GPI: variants seen among roughly 807,000 people sequenced by gnomAD.
GPI encodes the protein glucose-6-phosphate isomerase, also known as D-hexose-6-phosphate anomerase.
GPI carries 56 observed loss-of-function variants against 75.8 expected under a neutral mutation model. That is an observed-to-expected ratio of 0.74 (90% CI 0.60 to 0.92). GPI has a LOEUF of 0.92. Ranked by LOEUF, GPI falls within the 40% of genes least tolerant of loss-of-function variation. The pLI, the probability that GPI is intolerant of heterozygous loss-of-function variation, is 0.00. For missense variants in GPI, 638 were observed against 741.0 expected (o/e 0.86, Z 1.61); for synonymous variants, 288 against 285.4 (o/e 1.01, Z -0.09).
upstream of GPI, among the ~76,000 whole-genome samples, chr19:34,361,500 G>A (rs2074301321): frequency 2.0e-5 from 3 of 152,180 alleles, no homozygotes; most frequent in East Asian, 1.9e-4. Flanking sequence ...AGCTGTGCAC[G>A]TAGTAAACCT....
rs2145444978 is a variant in GPI, at chr19:34,401,915, T to C, written c.*1879T>C. 6.6e-6 allele frequency: 1 copy of C among 152,262 alleles called. No homozygotes were observed. Among genetic ancestry groups the C allele is most frequent in the South Asian group, 2.1e-4 (1 of 4,832 alleles). 9.4% of individuals were successfully genotyped at this position (152,262 alleles called of 1,614,324 possible). A position where few individuals can be genotyped will look rare whatever the true frequency, so the allele number is the denominator to read the frequency against. The stretch of plus-strand genomic sequence containing the variant: ...AGCTCCACCTCCCGGCTTCACGCCA[T>C]TCTCCTGCCTCAGCCTCCCGAGTAG... On this transcript the variant is annotated 3_prime_UTR_variant, in exon 18 of 18. Transcript: ENST00000356487.
intron 7 of GPI, 145 bp from the exon 8 acceptor site, chr19:34,379,373 C>A (rs1431250042): frequency 1.2e-6 from 1 of 824,290 alleles, no homozygotes; most frequent in Non-Finnish European, 2.2e-6. Context: ...TGACCTTGAC[C>A]TCGATGTGGG....
At chr19:34,390,151 G>A (rs1305925834) in intron 9 of GPI, among the ~76,000 whole-genome samples, 1 of 152,194 alleles carries the variant, frequency 6.6e-6, no homozygotes, top group African/African-American at 2.4e-5. Context: ...CAGGTACAAA[G>A]TGATGAGTCT....
intron 9 of GPI, among the ~76,000 whole-genome samples, chr19:34,384,914 A>C (rs1269277805): frequency 6.6e-6 from 1 of 151,734 alleles, no homozygotes; most frequent in Admixed American, 6.6e-5. Flanking sequence ...ATGGTGGTGC[A>C]TGCCTACAGT....
chr19:34,393,011 G>A lies in GPI; in HGVS notation c.805-237G>A, dbSNP rs1374047156. 1 of 578,704 alleles carries A rather than the reference G, an allele frequency of 1.7e-6. No individual in the cohort carries two copies. Among genetic ancestry groups the A allele is most frequent in the Non-Finnish European group, 3.1e-6 (1 of 317,940 alleles). The allele number at this position is 578,704 out of a possible 1,614,324, so 35.8% of individuals were successfully genotyped here. A position where few individuals can be genotyped will look rare whatever the true frequency, so the allele number is the denominator to read the frequency against. On this transcript the variant is annotated intron_variant, in intron 9 of 17. Transcript: ENST00000356487. The surrounding 1 kb of genome is among the most constrained non-coding windows in gnomAD (Gnocchi z 4.4). ...TGCAGAGACAGGGCCCGACATCTCA[G>A]GGAAGACCACGGTAAGCTCTTCAGT...
intron 4 of GPI, among the ~76,000 whole-genome samples, chr19:34,372,797 A>G (rs149162070): frequency 0.013 from 2,021 of 152,174 alleles, 17 homozygotes; most frequent in Middle Eastern, 0.027. Flanking sequence ...TTTTTGAGAC[A>G]GAGTCTCTCT....
In GPI at chr19:34,382,138, TCTGA is replaced by T. The variant is rs8191389; in HGVS notation, c.804+623_804+626del. Among the ~76,000 whole-genome samples, 167 of 152,260 alleles carry T rather than the reference TCTGA, an allele frequency of 1.1e-3. 1 individual carries two copies. Among genetic ancestry groups the T allele is most frequent in the Admixed American group, 4.5e-3 (69 of 15,294 alleles). ...AGCTCAGCAGTGGTGTGAGGAGGGC[TCTGA>T]CTGTGAAGCCCAGGGTGCAGGGGTG... On this transcript the variant is annotated intron_variant, in intron 9 of 17. Coordinates refer to ENST00000356487, the MANE Select transcript of GPI (RefSeq NM_000175.5).
Position 34,391,943 on chromosome 19 carries a change from G to C in GPI, c.805-1305G>C. Among the ~76,000 whole-genome samples, 12 of 67,228 alleles carry C rather than the reference G, an allele frequency of 1.8e-4. No homozygotes were observed. In the Admixed American group the frequency reaches 1.8e-3, roughly 10 times the overall value. The allele number at this position is 67,228 out of a possible 152,430, so 44.1% of individuals were successfully genotyped here. ...GGATCTGGGTCTGTCATGTCTGGAGGTAAGATCTGGCATGAGTATGAGGAT... is the reference window on the plus strand; with the variant it reads ...GGATCTGGGTCTGTCATGTCTGGAGCTAAGATCTGGCATGAGTATGAGGAT... On this transcript the variant is annotated intron_variant, in intron 9 of 17. Transcript: ENST00000356487.
chr19:34,380,623 C>T (rs538291057), intron 8 of GPI, among the ~76,000 whole-genome samples: 1 of 152,318 alleles, frequency 6.6e-6, no homozygotes, highest in East Asian at 1.9e-4. Flanking sequence ...GGATTAGAAC[C>T]TGGGTCTCCT....
intron 1 of GPI, chr19:34,366,099 C>T (rs1232914641): frequency 2.9e-6 from 2 of 685,774 alleles, no homozygotes; most frequent in South Asian, 3.0e-5. Flanking sequence ...CACTTCAGTC[C>T]GGGCTCCTCA....
chr19:34,368,719 C>T lies in GPI; in HGVS notation c.402+17C>T, dbSNP rs1252395806. On this transcript the variant is annotated intron_variant, in intron 4 of 17. Coordinates refer to ENST00000356487, the MANE Select transcript of GPI (RefSeq NM_000175.5). Reference sequence around the variant, plus strand: ...TTCTGCCAGGTAAGTGGCTACTGGGCCGGACTCACCCTTGGCCGTGTGTGT... The same window carrying T: ...TTCTGCCAGGTAAGTGGCTACTGGGTCGGACTCACCCTTGGCCGTGTGTGT... The T allele has an allele frequency of 1.2e-6, 2 of 1,613,996 alleles. No homozygotes were observed. Among genetic ancestry groups the T allele is most frequent in the Non-Finnish European group, 1.7e-6 (2 of 1,179,976 alleles).
intron 5 of GPI, 49 bp from the exon 6 acceptor site, chr19:34,377,685 CT>C (rs2074569160): frequency 1.2e-6 from 2 of 1,609,124 alleles, no homozygotes; most frequent in African/African-American, 1.3e-5. Context: ...GCTGTCTCCA[CT>C]TTTCGTGGGC....
chr19:34,391,774 G>T (rs1204731601), intron 9 of GPI, among the ~76,000 whole-genome samples: 1 of 7,702 alleles, frequency 1.3e-4, no homozygotes, highest in Non-Finnish European at 2.7e-4. Context: ...TGAGAATCTG[G>T]ATCTTCTAGT....
At chr19:34,377,382 G>T in intron 4 of GPI, 121 bp from the exon 5 acceptor site, 5 of 458,564 alleles carry the variant, frequency 1.1e-5, no homozygotes, top group Non-Finnish European at 8.0e-6. Flanking sequence ...CAAAAAAATA[G>T]AGGCACCTGC....
At chr19:34,363,445 T>G (rs961779600), upstream of GPI, 4 of 152,280 alleles carry the variant, frequency 2.6e-5, no homozygotes, top group Admixed American at 2.6e-4. Flanking sequence ...GGTTTTGTTC[T>G]GAAACAGAGG....
At chr19:34,368,846 G>A (rs767967168) in intron 4 of GPI, 144 bp downstream of exon 4, 44 of 891,790 alleles carry the variant, frequency 4.9e-5, no homozygotes, top group Non-Finnish European at 7.5e-5. Flanking sequence ...TTGCCTGTGT[G>A]ATCGCTGACC....
chr19:34,393,283 C>T lies in GPI; in HGVS notation c.840C>T (p.Ile280=), dbSNP rs138036674. 3.0e-5 allele frequency: 49 copies of T among 1,613,324 alleles called. No homozygotes were observed. The African/African-American group carries it at 4.8e-4, about 16-fold the overall frequency. Residue 280 remains isoleucine, a synonymous_variant, in exon 10 of 18, where the codon ATC becomes ATT. Coordinates refer to ENST00000356487, the MANE Select transcript of GPI (RefSeq NM_000175.5). This position sits in a 1 kb window ranked among gnomAD's most constrained non-coding sequence, Gnocchi z 4.4. The part of the protein sequence containing the change: ...VGGRYSLWSA[I]GLSIALHVGF... ...GACGCTACTCGCTGTGGTCGGCCAT[C>T]GGACTCTCCATTGCCCTGCACGTGG... is the stretch of plus-strand genomic sequence containing the variant.
chr19:34,366,257 G>A (rs756837694), intron 1 of GPI, 88 bp from the exon 2 acceptor site: 1 of 894,712 alleles, frequency 1.1e-6, no homozygotes, highest in Non-Finnish European at 1.9e-6. Context: ...CAGGGAGGAT[G>A]TTTCTTCTGG....
At position 34,379,604 on chromosome 19, in the gene GPI, G is replaced by GC. The variant is rs756754221; in HGVS notation, c.750+45dup. On this transcript the variant is annotated intron_variant, in intron 8 of 17. Coordinates refer to ENST00000356487, the MANE Select transcript of GPI (RefSeq NM_000175.5). ...TCCCCTGTACTGCCTTCCTGGGAGT[G>GC]CCCAGCATGTCCAGGTCATGGCCTC... is the stretch of plus-strand genomic sequence containing the variant. 2.7e-6 allele frequency: 4 copies of GC among 1,498,538 alleles called. No individual in the cohort carries two copies. In the African/African-American group the frequency reaches 5.5e-5, roughly 21 times the overall value. 92.8% of individuals were successfully genotyped at this position (1,498,538 alleles called of 1,614,324 possible).
Sources: gnomAD v4.1 joint callset for allele counts (sites outside exome capture counted in the v4.1 genomes callset) on GRCh38, gnomAD v4.1.1 for gene constraint, Gnocchi (gnomAD v3.1) non-coding constraint, MANE v1.5 for transcripts, NCBI Gene and HGNC (gene_info 2026-07-23, HGNC 2026-07-21) for gene names.